ZNF658: variants seen among roughly 807,000 people sequenced by gnomAD.
ZNF658 encodes the protein zinc finger protein 658.
ZNF658 carries 46 observed loss-of-function variants against 78.0 expected under a neutral mutation model. The ratio of observed to expected loss-of-function variants is 0.59; its 90% confidence interval spans 0.47 to 0.75. ZNF658 has a LOEUF of 0.75. ZNF658 is among the 30% of genes least tolerant of loss of function. The pLI, the probability that ZNF658 is intolerant of heterozygous loss-of-function variation, is 0.00. For synonymous variants in ZNF658, 279 were observed against 408.4 expected (o/e 0.68, Z 3.82); for missense variants, 785 against 1,189.3 (o/e 0.66, Z 5.00).
Position 66,919,995 on chromosome 9 carries a change from A to G in ZNF658, c.2429A>G (p.Lys810Arg). The G allele has an allele frequency of 6.2e-7, 1 of 1,610,778 alleles. No homozygotes were observed. The highest frequency in any genetic ancestry group is 1.1e-5 in the South Asian group (1 of 90,880). The part of the protein sequence containing the change: ...CNVCGKTFVY[K>R]AALIVHQRIH... ...GTATGTGGGAAAACTTTTGTCTATA[A>G]GGCAGCCCTCATAGTGCATCAAAGA... Residue 810 changes from lysine (K) to arginine (R), a missense_variant, in exon 5 of 5, where the codon AAG (lysine) becomes AGG (arginine). Transcript: ENST00000621410.
downstream of ZNF658, among the ~76,000 whole-genome samples, chr9:66,925,519 C>T (rs1215434388): frequency 1.3e-5 from 2 of 151,950 alleles, no homozygotes; most frequent in East Asian, 1.9e-4. Context: ...AAACATACAA[C>T]CTACCAAGAG....
intron 2 of ZNF658, among the ~76,000 whole-genome samples, 166 bp from the exon 3 acceptor site, chr9:66,908,072 G>C (rs1314169791): frequency 6.6e-6 from 1 of 151,286 alleles, no homozygotes; most frequent in East Asian, 1.9e-4. Flanking sequence ...ATTATGGCAA[G>C]TTAAAAAATG....
rs549494058 is a variant in ZNF658 at position 66,901,364 on chromosome 9, C to T, written c.-45+528C>T. Among the ~76,000 whole-genome samples the T allele has an allele frequency of 5.9e-5, 9 of 152,208 alleles. No individual in the cohort carries two copies. The South Asian group carries it at 1.9e-3, about 32-fold the overall frequency. On this transcript the variant is annotated intron_variant, in intron 1 of 4. Coordinates refer to ENST00000621410, the MANE Select transcript of ZNF658 (RefSeq NM_033160.7). ...GAGAGATGTGACTCCCTGTCCTGCT[C>T]GTTCTAACATGCTGTCTGCCTGAAA...
chr9:66,931,603 AC>A (rs1190968465), intron 6 of ZNF658, among the ~76,000 whole-genome samples: 2 of 149,036 alleles, frequency 1.3e-5, no homozygotes, highest in Admixed American at 1.3e-4. Flanking sequence ...ACCTTTGCGT[AC>A]CTTTTTTTCT....
chr9:66,913,794 C>T (rs1312669990), intron 4 of ZNF658, among the ~76,000 whole-genome samples: 27 of 142,352 alleles, frequency 1.9e-4, no homozygotes, highest in African/African-American at 6.8e-4. Flanking sequence ...GTTTTTGGAA[C>T]AGGGAGTCCA....
At chr9:66,904,924 C>T (rs1822037302) in intron 2 of ZNF658, among the ~76,000 whole-genome samples, 1 of 151,902 alleles carries the variant, frequency 6.6e-6, no homozygotes, top group Non-Finnish European at 1.5e-5. Context: ...CCTCTGTCCT[C>T]CATAGTTTCT....
Position 66,913,349 on chromosome 9 carries a change from C to T in ZNF658, c.239-4456C>T, listed in dbSNP as rs1466075839. The stretch of plus-strand genomic sequence containing the variant: ...CTGAGGCAGGAGAATCGCTTGAACT[C>T]GGGAGGCAGAGGTTGCAGTGAGCCA... On this transcript the variant is annotated intron_variant, in intron 4 of 4. Transcript: ENST00000621410. Among the ~76,000 whole-genome samples the T allele has an allele frequency of 1.3e-4, 19 of 151,598 alleles. No individual in the cohort carries two copies. In the East Asian group the frequency reaches 1.4e-3, roughly 11 times the overall value.
intron 3 of ZNF658, 130 bp downstream of exon 3, chr9:66,908,494 C>T (rs1206391176): frequency 1.1e-5 from 16 of 1,491,998 alleles, no homozygotes; most frequent in African/African-American, 2.8e-5. Flanking sequence ...GAAACCTTTA[C>T]AGAAACAAAA....
Position 66,920,779 on chromosome 9 carries a change from G to A in ZNF658, c.*33G>A. ...CATACCTTACCACATAACACGTAGT[G>A]CAGAAACTCATGTGACATAGGCTGG... is the stretch of plus-strand genomic sequence containing the variant. On this transcript the variant is annotated 3_prime_UTR_variant, in exon 5 of 5. Transcript: ENST00000621410. 1.4e-6 allele frequency: 1 copy of A among 690,500 alleles called. No individual in the cohort carries two copies. Among genetic ancestry groups the A allele is most frequent in the Non-Finnish European group, 2.6e-6 (1 of 384,020 alleles). 42.8% of individuals were successfully genotyped at this position (690,500 alleles called of 1,614,324 possible).
At chr9:66,914,642 G>T (rs995948338) in intron 4 of ZNF658, among the ~76,000 whole-genome samples, 8 of 151,878 alleles carry the variant, frequency 5.3e-5, no homozygotes, top group African/African-American at 1.9e-4. Flanking sequence ...AAAATTTTTG[G>T]CATTGATGTA....
At chr9:66,907,638 T>G (rs1220721987) in intron 2 of ZNF658, among the ~76,000 whole-genome samples, 2 of 152,198 alleles carry the variant, frequency 1.3e-5, no homozygotes, top group Admixed American at 6.5e-5. Flanking sequence ...AAACAAAATT[T>G]TTTTAAAAGG....
intron 3 of ZNF658, 115 bp downstream of exon 3, chr9:66,908,479 T>C: frequency 1.3e-6 from 2 of 1,528,942 alleles, no homozygotes; most frequent in South Asian, 2.6e-5. Context: ...AGGTTTGAAG[T>C]AGTTGAAACC....
At chr9:66,902,976 C>T (rs1026318361) in intron 1 of ZNF658, 1 of 152,462 alleles carries the variant, frequency 6.6e-6, no homozygotes, top group Non-Finnish European at 1.5e-5. Context: ...GTTCACCCCC[C>T]TCGGCCTCCC....
chr9:66,927,537 A>G (rs1364230574), intron 6 of ZNF658, among the ~76,000 whole-genome samples: 2 of 148,508 alleles, frequency 1.3e-5, no homozygotes, highest in Non-Finnish European at 1.5e-5. Flanking sequence ...AGGATCTTGA[A>G]GTAATATTAC....
chr9:66,930,507 T>C (rs1427587468), intron 6 of ZNF658, among the ~76,000 whole-genome samples: 1 of 150,282 alleles, frequency 6.7e-6, no homozygotes, highest in Non-Finnish European at 1.5e-5. Flanking sequence ...AGCTCTACAG[T>C]TAAAATTTAA....
At chr9:66,914,478 A>T (rs916717551) in intron 4 of ZNF658, among the ~76,000 whole-genome samples, 1 of 151,820 alleles carries the variant, frequency 6.6e-6, no homozygotes, top group African/African-American at 2.4e-5. Context: ...TGGTCCTTCC[A>T]GTGCAATCTT....
Position 66,918,587 on chromosome 9 carries a change from A to G in ZNF658, c.1021A>G (p.Ile341Val). 6.2e-7 allele frequency: 1 copy of G among 1,609,658 alleles called. No homozygotes were observed. Among genetic ancestry groups the G allele is most frequent in the Non-Finnish European group, 8.5e-7 (1 of 1,176,362 alleles). ...EENFSQSSAH[I>V]VHQKTQAGDK... ...AAATTTTAGCCAGAGCTCAGCCCAT[A>G]TAGTACATCAGAAAACACAAGCTGG... Residue 341 changes from isoleucine to valine, a missense_variant, in exon 5 of 5, where the codon ATA becomes GTA. Coordinates refer to ENST00000621410, the MANE Select transcript of ZNF658 (RefSeq NM_033160.7).
chr9:66,932,036 G>A (rs1459665718), exon 7 of ZNF658: 1 of 117,652 alleles, frequency 8.5e-6, no homozygotes, highest in Non-Finnish European at 1.8e-5. Flanking sequence ...GCTCAATGAA[G>A]AGGGAGTCAT....
Position 66,910,520 on chromosome 9 carries a change from A to C in ZNF658, c.238+1786A>C, listed in dbSNP as rs571622283. ...AGAAAGATCATTATAAAAGATCAGT[A>C]AAGTTGGGCCAGGCGTGGTGGCTCA... On this transcript the variant is annotated intron_variant, in intron 4 of 4. Coordinates refer to ENST00000621410, the MANE Select transcript of ZNF658 (RefSeq NM_033160.7). Among the ~76,000 whole-genome samples, 12 of 151,882 alleles carry C rather than the reference A, an allele frequency of 7.9e-5. No individual in the cohort carries two copies. The East Asian group carries it at 1.2e-3, about 15-fold the overall frequency.
Sources: gnomAD v4.1 joint callset for allele counts (sites outside exome capture counted in the v4.1 genomes callset) on GRCh38, gnomAD v4.1.1 for gene constraint, MANE v1.5 for transcripts, NCBI Gene and HGNC (gene_info 2026-07-23, HGNC 2026-07-21) for gene names.